The following ZNF536 variants were observed in gnomAD, a reference collection of about 807,000 sequenced individuals.
ZNF536 encodes the protein zinc finger protein 536.
A neutral mutation model predicts 84.5 loss-of-function variants in ZNF536; 13 were observed. The ratio of observed to expected loss-of-function variants is 0.15; its 90% CI spans 0.10 to 0.24. The LOEUF is 0.24. ZNF536 is among the 10% of genes least tolerant of loss of function. The pLI, the probability that ZNF536 is intolerant of heterozygous loss-of-function variation, is 1.00. For synonymous variants in ZNF536, 811 were observed against 742.5 expected, an observed-to-expected ratio of 1.09 and a Z score of -1.50; for missense variants, 1,536 against 1,747.5, an observed-to-expected ratio of 0.88 and a Z score of 2.16.
intron 3 of ZNF536, among the ~76,000 whole-genome samples, chr19:30,538,767 C>T (rs1248036937): frequency 6.6e-6 from 1 of 152,156 alleles, no homozygotes; most frequent in Non-Finnish European, 1.5e-5. Context: ...GAGACATTAC[C>T]CTGGGCAGAC....
rs1236202365 is a variant in ZNF536 at position 30,445,129 on chromosome 19, G to C, written c.1567G>C (p.Ala523Pro). ...AEMDPVNSYQAWQLMARGMAM... is the reference protein window; with the variant it reads ...AEMDPVNSYQPWQLMARGMAM... ...GATGGACCCCGTGAACAGCTACCAGGCTTGGCAGCTCATGGCCAGGGGCAT... is the reference window on the plus strand; with the variant it reads ...GATGGACCCCGTGAACAGCTACCAGCCTTGGCAGCTCATGGCCAGGGGCAT... Residue 523 changes from alanine (A) to proline (P), a missense_variant, in exon 2 of 5, where the codon GCT becomes CCT. Physicochemically the swap from Ala to Pro is conservative, Grantham distance 27 (BLOSUM62 -1). Transcript: ENST00000355537. This position sits in a 1 kb window ranked among gnomAD's most constrained non-coding sequence, Gnocchi z 4.5. The C allele has an allele frequency of 1.1e-5, 17 of 1,614,010 alleles. No individual in the cohort carries two copies. Among genetic ancestry groups the C allele is most frequent in the Non-Finnish European group, 1.4e-5 (17 of 1,180,050 alleles).
chr19:30,509,490 G>A (rs8100680), intron 2 of ZNF536, among the ~76,000 whole-genome samples: 2 of 146,766 alleles, frequency 1.4e-5, no homozygotes, highest in Non-Finnish European at 3.0e-5. Flanking sequence ...ATAATATATA[G>A]CTATATAATA....
At chr19:30,667,640 T>TTTTTTTTTTA (rs1555832560) in intron 1 of ZNF536, among the ~76,000 whole-genome samples, 1 of 150,042 alleles carries the variant, frequency 6.7e-6, no homozygotes, top group Non-Finnish European at 1.5e-5. Flanking sequence ...TTTTTTTTTT[T>TTTTTTTTTTA]AATTAATGAG....
intron 1 of ZNF536, among the ~76,000 whole-genome samples, chr19:30,629,029 G>A (rs2048792398): frequency 1.3e-5 from 2 of 152,020 alleles, no homozygotes; most frequent in African/African-American, 2.4e-5. Flanking sequence ...AGCACCTACC[G>A]AATGCCCACA....
At chr19:30,675,940 C>A (rs1232132523) in intron 1 of ZNF536, among the ~76,000 whole-genome samples, 1 of 152,140 alleles carries the variant, frequency 6.6e-6, no homozygotes, top group Admixed American at 6.5e-5. Flanking sequence ...TCACTGCAGC[C>A]TCGACCTCCT....
At chr19:30,391,434 G>A (rs1256618586) in intron 1 of ZNF536, among the ~76,000 whole-genome samples, 1 of 152,100 alleles carries the variant, frequency 6.6e-6, no homozygotes, top group African/African-American at 2.4e-5. Flanking sequence ...AAAATAGCCG[G>A]GCATGGTGGT....
intron 1 of ZNF536, among the ~76,000 whole-genome samples, chr19:30,267,780 T>A (rs557429096): frequency 6.6e-6 from 1 of 152,196 alleles, no homozygotes; most frequent in Non-Finnish European, 1.5e-5. Flanking sequence ...TTCTCTCTGC[T>A]CCAGTGACCC....
At position 30,514,076 on chromosome 19, in the gene ZNF536, G is replaced by T. The variant is rs117097740; in HGVS notation, c.2171-20771G>T. Among the ~76,000 whole-genome samples, 990 of 152,294 alleles carry T rather than the reference G, an allele frequency of 6.5e-3. 3 individuals carry two copies. Among genetic ancestry groups the T allele is most frequent in the Non-Finnish European group, 0.011 (728 of 68,018 alleles). On this transcript the variant is annotated intron_variant, in intron 2 of 4. Coordinates refer to ENST00000355537, the MANE Select transcript of ZNF536 (RefSeq NM_014717.3). ...TCCTGTTTCTACCTGCCTCAGAGTGGTCCTTGACCCGTGGCAGGCTTTGCT... is the reference window on the plus strand; with the variant it reads ...TCCTGTTTCTACCTGCCTCAGAGTGTTCCTTGACCCGTGGCAGGCTTTGCT...
intron 2 of ZNF536, among the ~76,000 whole-genome samples, chr19:30,346,055 T>C (rs1791345910): frequency 6.6e-6 from 1 of 152,198 alleles, no homozygotes; most frequent in Admixed American, 6.5e-5. Flanking sequence ...TCCATGCCAC[T>C]ATGATGCTGC....
chr19:30,525,853 A>G lies in ZNF536; in HGVS notation c.2171-8994A>G, dbSNP rs2044551791. The stretch of plus-strand genomic sequence containing the variant: ...AACAGAAAGGTGAGGGTTGGAGTGC[A>G]GGTGGGGAGTTGGGATGAAGTCAGA... On this transcript the variant is annotated intron_variant, in intron 2 of 4. Transcript: ENST00000355537. 2.0e-5 allele frequency among the ~76,000 whole-genome samples: 3 copies of G among 152,172 alleles called. No individual in the cohort carries two copies. In the South Asian group the frequency reaches 6.2e-4, roughly 32 times the overall value.
chr19:30,233,428 T>G (rs2023230922), intron 1 of ZNF536, among the ~76,000 whole-genome samples: 1 of 151,624 alleles, frequency 6.6e-6, no homozygotes, highest in Non-Finnish European at 1.5e-5. Flanking sequence ...CACTGTAGCC[T>G]CGTCCTGGGT....
chr19:30,350,816 A>T (rs897843944), intron 2 of ZNF536, among the ~76,000 whole-genome samples: 31 of 152,224 alleles, frequency 2.0e-4, no homozygotes, highest in African/African-American at 7.5e-4. Flanking sequence ...AGCTTGCTAG[A>T]CCTGAAAGCA....
At chr19:30,459,621 G>T (rs895676105) in intron 2 of ZNF536, among the ~76,000 whole-genome samples, 13 of 152,168 alleles carry the variant, frequency 8.5e-5, no homozygotes, top group Non-Finnish European at 1.5e-5. Flanking sequence ...AAAGTGCTGG[G>T]ATTACAGGCC....
intron 2 of ZNF536, among the ~76,000 whole-genome samples, chr19:30,340,164 TC>T (rs1345209882): frequency 6.6e-6 from 1 of 151,784 alleles, no homozygotes; most frequent in African/African-American, 2.4e-5. Flanking sequence ...ACTTGCAGAG[TC>T]TCCCTAGCTC....
intron 1 of ZNF536, among the ~76,000 whole-genome samples, chr19:30,696,620 G>A (rs1185042343): frequency 2.0e-5 from 3 of 152,186 alleles, no homozygotes; most frequent in Admixed American, 2.0e-4. Context: ...GAGGAGCCTG[G>A]GTAAGCAAAT....
At chr19:30,617,936 C>T (rs561313133) in intron 1 of ZNF536, among the ~76,000 whole-genome samples, 14 of 152,082 alleles carry the variant, frequency 9.2e-5, no homozygotes, top group African/African-American at 3.1e-4. Context: ...TGGTCTATTG[C>T]GTTTTATTCC....
Position 30,302,462 on chromosome 19 carries a change from T to A in ZNF536, c.-120+18321T>A, listed in dbSNP as rs551948560. Among the ~76,000 whole-genome samples, 9 of 152,266 alleles carry A rather than the reference T, an allele frequency of 5.9e-5. No individual in the cohort carries two copies. In the South Asian group the frequency reaches 1.7e-3, roughly 28 times the overall value. ...GTGACCTGGGTTGTCACATGCAGAA[T>A]CCTATAGGATTTGCACGAAGACCCG... On this transcript the variant is annotated intron_variant, in intron 2 of 5. Transcript: ENST00000585628.
chr19:30,398,355 G>A (rs2049906434), intron 1 of ZNF536, among the ~76,000 whole-genome samples: 1 of 150,948 alleles, frequency 6.6e-6, no homozygotes, highest in South Asian at 2.1e-4. Context: ...GAACCATATG[G>A]TATATGACCT....
intron 1 of ZNF536, among the ~76,000 whole-genome samples, chr19:30,640,203 C>A (rs911845230): frequency 6.7e-6 from 1 of 148,790 alleles, no homozygotes; most frequent in Non-Finnish European, 1.5e-5. Context: ...GCCAAGATCA[C>A]GCCACTGCAT....
Sources: allele counts gnomAD v4.1 joint callset (sites outside exome capture counted in the v4.1 genomes callset), GRCh38; gene constraint gnomAD v4.1.1; non-coding constraint Gnocchi (gnomAD v3.1); transcripts MANE v1.5; gene names NCBI Gene and HGNC (gene_info 2026-07-23, HGNC 2026-07-21).